The following REPS2 variants were observed in gnomAD, a reference collection of about 807,000 sequenced individuals.
REPS2 encodes the protein RALBP1 associated Eps domain containing 2, also known as ralBP1-associated Eps domain-containing protein 2.
In REPS2, 23 loss-of-function variants were observed where a neutral mutation model predicts 53.6. The ratio of observed to expected loss-of-function variants is 0.43; its 90% CI spans 0.31 to 0.61. The LOEUF (loss-of-function observed/expected upper bound fraction) is 0.61, where lower values mean the gene tolerates loss of function less well. Among genes scored for constraint, REPS2 ranks in the 20% least tolerant of loss-of-function variants. The pLI, the probability that REPS2 is intolerant of heterozygous loss-of-function variation, is 0.11. For synonymous variants in REPS2, 238 were observed against 218.6 expected (o/e 1.09, Z -0.78); for missense variants, 446 against 534.9 (o/e 0.83, Z 1.64).
At chrX:16,999,081 A>G (rs768487893) in intron 1 of REPS2, among the ~76,000 whole-genome samples, 3 of 112,302 alleles carry the variant, frequency 2.7e-5, no homozygotes, top group East Asian at 2.8e-4. Flanking sequence ...AGATATGGCA[A>G]ATGTCCACTA....
the REPS2 span, among the ~76,000 whole-genome samples, chrX:17,177,597 G>A: frequency 9.0e-6 from 1 of 111,474 alleles, no homozygotes; most frequent in Middle Eastern, 4.2e-3. Context: ...AAAGGTCTGA[G>A]GCTCTTAAGC....
At chrX:17,108,689 C>T (rs184023001) in intron 14 of REPS2, among the ~76,000 whole-genome samples, 1 of 111,415 alleles carries the variant, frequency 9.0e-6, no homozygotes, top group East Asian at 2.8e-4. Context: ...AATTGGGGTT[C>T]CCTGCAGACT....
In REPS2 at chrX:17,151,408, A is replaced by G. The variant is rs952118819; in HGVS notation, c.*3927A>G. 2.7e-5 allele frequency: 3 copies of G among 112,740 alleles called. No individual in the cohort carries two copies. Among genetic ancestry groups the G allele is most frequent in the Non-Finnish European group, 3.8e-5 (2 of 53,317 alleles). The allele number at this position is 112,740 out of a possible 1,213,427, so 9.3% of individuals were successfully genotyped here. A position where few individuals can be genotyped will look rare whatever the true frequency, so the allele number is the denominator to read the frequency against. ...ACAGCCATGGTAATAATAGATGTGT[A>G]CTCAGAAGATCAATAAGGTAATATT... On this transcript the variant is annotated 3_prime_UTR_variant, in exon 18 of 18. Coordinates refer to ENST00000357277, the MANE Select transcript of REPS2 (RefSeq NM_004726.3).
intron 1 of REPS2, among the ~76,000 whole-genome samples, chrX:16,969,402 C>A (rs1201899383): frequency 7.6e-4 from 62 of 81,650 alleles, no homozygotes; most frequent in Admixed American, 1.4e-3. Context: ...TGTAGCGAGC[C>A]GAGATCACGC....
chrX:17,014,924 C>G (rs1282976586), intron 2 of REPS2, among the ~76,000 whole-genome samples: 2 of 113,191 alleles, frequency 1.8e-5, no homozygotes, highest in East Asian at 5.5e-4. Context: ...TTTTAATGTT[C>G]AGGATGGTAG....
rs943109537 is a variant in REPS2, at chrX:17,148,775, C to T, written c.*1294C>T. 22 of 248,049 alleles carry T rather than the reference C, an allele frequency of 8.9e-5. No individual in the cohort carries two copies. In the South Asian group the frequency reaches 9.1e-4, roughly 10 times the overall value. 20.4% of individuals were successfully genotyped at this position (248,049 alleles called of 1,213,427 possible). ...TACTGACCCTCACAGGGCATGCCAG[C>T]GTTAACACCACTTTGAGAGACCAAT... On this transcript the variant is annotated 3_prime_UTR_variant, in exon 18 of 18. Coordinates refer to ENST00000357277, the MANE Select transcript of REPS2 (RefSeq NM_004726.3).
At chrX:17,124,721 C>T (rs2063184405) in intron 14 of REPS2, among the ~76,000 whole-genome samples, 1 of 110,706 alleles carries the variant, frequency 9.0e-6, no homozygotes, top group African/African-American at 3.3e-5. Flanking sequence ...CCTTTGTGAT[C>T]CCCATTCTTG....
At chrX:16,997,828 A>G (rs5969757) in intron 1 of REPS2, among the ~76,000 whole-genome samples, 2,263 of 112,173 alleles carry the variant, frequency 0.02, 59 homozygotes, top group African/African-American at 0.069. Context: ...TGTTGGAGTC[A>G]GGGGCAACCA....
Position 17,105,658 on chromosome X carries a change from A to G in REPS2, c.1578+1879A>G, listed in dbSNP as rs187407343. ...AAACAGTGAGCCCAGTACTCAGCCT[A>G]TCAGCTGCCTAACTATGGAGATTTC... is the stretch of plus-strand genomic sequence containing the variant. On this transcript the variant is annotated intron_variant, in intron 14 of 17. Transcript: ENST00000357277. Among the ~76,000 whole-genome samples the G allele has an allele frequency of 1.1e-4, 12 of 111,873 alleles. No individual in the cohort carries two copies. The East Asian group carries it at 3.1e-3, about 29-fold the overall frequency.
chrX:16,993,686 A>G (rs763859302), intron 1 of REPS2, among the ~76,000 whole-genome samples: 34 of 112,254 alleles, frequency 3.0e-4, no homozygotes, highest in African/African-American at 1.0e-3. Flanking sequence ...ACTGACCCCC[A>G]GAGTTATGAA....
intron 1 of REPS2, among the ~76,000 whole-genome samples, chrX:16,949,777 A>G (rs1193548705): frequency 9.0e-6 from 1 of 111,103 alleles, no homozygotes; most frequent in Non-Finnish European, 1.9e-5. Flanking sequence ...AATTTAGCAG[A>G]GTACCCATAT....
chrX:17,102,034 TTATG>T lies in REPS2; in HGVS notation c.1517-1682_1517-1679del, dbSNP rs2062812493. The stretch of plus-strand genomic sequence containing the variant: ...TAGATTTATTTTATTTTATTTTATG[TTATG>T]TTATGTTATGTTATGTTATGTTATG... On this transcript the variant is annotated intron_variant, in intron 13 of 17. Transcript: ENST00000357277. 2.4e-4 allele frequency among the ~76,000 whole-genome samples: 12 copies of T among 50,632 alleles called. No homozygotes were observed. The South Asian group carries it at 0.014, about 59-fold the overall frequency. 44.0% of individuals were successfully genotyped at this position (50,632 alleles called of 115,157 possible). A position where few individuals can be genotyped will look rare whatever the true frequency, so the allele number is the denominator to read the frequency against.
Position 16,946,813 on chromosome X carries a change from C to A in REPS2, c.-49C>A. On this transcript the variant is annotated 5_prime_UTR_variant, in exon 1 of 18. Coordinates refer to ENST00000357277, the MANE Select transcript of REPS2 (RefSeq NM_004726.3). ...GAGGCGGTGGCTGTGGCGGACGCAG[C>A]AGCACCCCAGCTAGGGACAGGGCTC... 1.3e-6 allele frequency: 1 copy of A among 757,230 alleles called. No homozygotes were observed. The highest frequency in any genetic ancestry group is 1.6e-6 in the Non-Finnish European group (1 of 644,249). The allele number at this position is 757,230 out of a possible 1,213,427, so 62.4% of individuals were successfully genotyped here.
At chrX:17,146,066 G>A (rs1430096987) in intron 17 of REPS2, among the ~76,000 whole-genome samples, 3 of 104,890 alleles carry the variant, frequency 2.9e-5, no homozygotes, top group Non-Finnish European at 3.9e-5. Flanking sequence ...CCGAGATCGC[G>A]CCATTGCACT....
intron 8 of REPS2, among the ~76,000 whole-genome samples, chrX:17,057,169 A>C (rs2062082822): frequency 8.9e-6 from 1 of 112,337 alleles, no homozygotes; most frequent in Non-Finnish European, 1.9e-5. Flanking sequence ...GTGTCTAAAG[A>C]AACTTTAATT....
At chrX:17,182,721 A>G in the REPS2 span, among the ~76,000 whole-genome samples, 4 of 112,691 alleles carry the variant, frequency 3.5e-5, no homozygotes, top group Admixed American at 9.4e-5. Context: ...TAACAAAGAC[A>G]TGCAGCCCAG....
Position 17,138,870 on chromosome X carries a change from A to G in REPS2, c.1823A>G (p.Gln608Arg), listed in dbSNP as rs1434956221. The change falls in exon 17 of 18, where the codon CAG becomes CGG. Residue 608 changes from glutamine (Q) to arginine (R), a missense_variant. By Grantham distance (43) the Gln-to-Arg change is conservative. Coordinates refer to ENST00000357277, the MANE Select transcript of REPS2 (RefSeq NM_004726.3). ...HPTVQKQSSK[Q>R]KKAIQTAIRK... ...CTTTTCTATAGGCAGTCTTCCAAAC[A>G]GAAGAAGGCCATTCAAACTGCTATC... 2 of 1,197,495 alleles carry G rather than the reference A, an allele frequency of 1.7e-6. No individual in the cohort carries two copies. Among genetic ancestry groups the G allele is most frequent in the Non-Finnish European group, 2.3e-6 (2 of 888,327 alleles).
intron 2 of REPS2, among the ~76,000 whole-genome samples, chrX:17,020,662 C>T (rs1220789873): frequency 1.9e-5 from 2 of 107,004 alleles, no homozygotes; most frequent in African/African-American, 3.4e-5. Context: ...GAATTTTGCT[C>T]TTGTTGCCCA....
chrX:16,979,267 T>A (rs2060993018), intron 1 of REPS2, among the ~76,000 whole-genome samples: 1 of 111,524 alleles, frequency 9.0e-6, no homozygotes, highest in African/African-American at 3.3e-5. Context: ...AAACTAATTG[T>A]CTTAAATGCT....
Sources: gnomAD v4.1 joint callset for allele counts (sites outside exome capture counted in the v4.1 genomes callset) on GRCh38, gnomAD v4.1.1 for gene constraint, MANE v1.5 for transcripts, NCBI Gene and HGNC (gene_info 2026-07-23, HGNC 2026-07-21) for gene names.